The following KSR2 variants were observed in gnomAD, a reference collection of about 807,000 sequenced individuals.
KSR2 encodes kinase suppressor of ras 2.
A neutral mutation model predicts 107.8 loss-of-function variants in KSR2; 25 were observed. The observed-to-expected ratio is 0.23, with a 90% CI of 0.17 to 0.32. KSR2 has a LOEUF of 0.32. Ranked by LOEUF, KSR2 falls within the 10% of genes least tolerant of loss-of-function variation. The pLI is 1.00. For missense variants in KSR2, 887 were observed against 1,268.9 expected (o/e 0.70, Z 4.57); for synonymous variants, 480 against 507.0 (o/e 0.95, Z 0.71).
At chr12:117,748,701 T>A (rs967258520) in intron 4 of KSR2, among the ~76,000 whole-genome samples, 1 of 152,138 alleles carries the variant, frequency 6.6e-6, no homozygotes, top group African/African-American at 2.4e-5. Flanking sequence ...AAAACTTTTG[T>A]GTTAGTGAAA....
rs1297617044 is a variant in KSR2 at position 117,707,048 on chromosome 12, GAAT to G, written c.987-39393_987-39391del. ...TATATTTGTGTGTGTGTGCAAAATGGAATATTATTCAGCCATAGAAAGGAATGC... is the reference window on the plus strand; with the variant it reads ...TATATTTGTGTGTGTGTGCAAAATGGATTATTCAGCCATAGAAAGGAATGC... On this transcript the variant is annotated intron_variant, in intron 4 of 19. Coordinates refer to ENST00000339824, the MANE Select transcript of KSR2 (RefSeq NM_173598.6). 2.0e-5 allele frequency among the ~76,000 whole-genome samples: 3 copies of G among 152,226 alleles called. No individual in the cohort carries two copies. In the East Asian group the frequency reaches 5.8e-4, roughly 29 times the overall value.
chr12:117,580,867 G>A (rs921130250), intron 6 of KSR2, among the ~76,000 whole-genome samples: 3 of 151,858 alleles, frequency 2.0e-5, no homozygotes, highest in Admixed American at 6.6e-5. Context: ...GGGTGTGGCC[G>A]AGCCAAGGGC....
chr12:117,759,887 C>CATGGA (rs556351355), intron 4 of KSR2, among the ~76,000 whole-genome samples: 221 of 152,348 alleles, frequency 1.5e-3, no homozygotes, highest in Non-Finnish European at 2.4e-3. Context: ...GCGGGCAGAT[C>CATGGA]ATTTGAGGTC....
intron 5 of KSR2, among the ~76,000 whole-genome samples, chr12:117,589,127 G>A (rs941365126): frequency 4.6e-5 from 7 of 152,114 alleles, no homozygotes; most frequent in East Asian, 1.9e-4. Flanking sequence ...TCCATACCAT[G>A]TCCCCTTCTG....
chr12:117,505,575 C>T (rs934501377), intron 14 of KSR2, among the ~76,000 whole-genome samples: 3 of 152,168 alleles, frequency 2.0e-5, no homozygotes, highest in Non-Finnish European at 2.9e-5. Context: ...CATCCAATAG[C>T]GTAAAGTATG....
chr12:117,894,067 A>AC (rs1248098630), intron 1 of KSR2, among the ~76,000 whole-genome samples: 3 of 151,788 alleles, frequency 2.0e-5, no homozygotes, highest in Non-Finnish European at 4.4e-5. Context: ...CTGCCACTAC[A>AC]CCCGGCTAAT....
At chr12:117,526,720 G>A (rs1410846059) in intron 13 of KSR2, among the ~76,000 whole-genome samples, 1 of 152,156 alleles carries the variant, frequency 6.6e-6, no homozygotes, top group Non-Finnish European at 1.5e-5. Flanking sequence ...TCTAAGCCCA[G>A]CATCCCTGAG....
intron 5 of KSR2, among the ~76,000 whole-genome samples, chr12:117,602,045 C>A (rs1345580888): frequency 2.6e-5 from 4 of 152,238 alleles, no homozygotes; most frequent in African/African-American, 7.2e-5. Context: ...ATGAGCATGG[C>A]TGTTTTCCAA....
At chr12:117,564,763 T>C (rs1878357048) in intron 7 of KSR2, among the ~76,000 whole-genome samples, 1 of 152,040 alleles carries the variant, frequency 6.6e-6, no homozygotes, top group Non-Finnish European at 1.5e-5. Flanking sequence ...GGTGGGTAAG[T>C]ATCAGAGAGA....
chr12:117,604,108 A>G (rs1244869221), intron 5 of KSR2, among the ~76,000 whole-genome samples: 1 of 152,172 alleles, frequency 6.6e-6, no homozygotes, highest in Non-Finnish European at 1.5e-5. Context: ...TTTTTTTGAC[A>G]TGGGACCCTT....
Position 117,968,573 on chromosome 12 carries a change from C to A in KSR2, c.-318G>T. 1.2e-6 allele frequency: 1 copy of A among 828,824 alleles called. No individual in the cohort carries two copies. 51.3% of individuals were successfully genotyped at this position (828,824 alleles called of 1,614,324 possible). A position where few individuals can be genotyped will look rare whatever the true frequency, so the allele number is the denominator to read the frequency against. On this transcript the variant is annotated 5_prime_UTR_variant, in exon 1 of 20. Transcript: ENST00000339824. ...ACCAGGTGATGTGATGCTGTCTGTA[C>A]ACTTAGGGAGGAGGAGGAGGAGGAA... is the stretch of plus-strand genomic sequence containing the variant.
chr12:117,913,556 C>G (rs953490870), intron 1 of KSR2, among the ~76,000 whole-genome samples: 1 of 152,050 alleles, frequency 6.6e-6, no homozygotes, highest in Admixed American at 6.5e-5. Context: ...ATGAAGGCAT[C>G]CTTGTAAGAG....
chr12:117,759,374 G>C (rs537341377), intron 4 of KSR2, among the ~76,000 whole-genome samples: 2 of 152,322 alleles, frequency 1.3e-5, no homozygotes, highest in South Asian at 4.1e-4. Flanking sequence ...CTGCAACAGA[G>C]ACTGAATGGT....
At chr12:117,731,995 A>C (rs900695806) in intron 4 of KSR2, among the ~76,000 whole-genome samples, 10 of 149,556 alleles carry the variant, frequency 6.7e-5, no homozygotes, top group African/African-American at 1.2e-4. Context: ...GACCCTGCCA[A>C]ATCCCCCTCT....
intron 4 of KSR2, among the ~76,000 whole-genome samples, chr12:117,688,191 C>A (rs1885656888): frequency 6.6e-6 from 1 of 152,144 alleles, no homozygotes; most frequent in Admixed American, 6.6e-5. Flanking sequence ...ACCAGCCTGG[C>A]CAACATGGTA....
Position 117,484,373 on chromosome 12 carries a change from T to C in KSR2, c.2450+43A>G, listed in dbSNP as rs773128348. 3.9e-5 allele frequency: 62 copies of C among 1,607,558 alleles called. No homozygotes were observed. The South Asian group carries it at 4.3e-4, about 11-fold the overall frequency. ...GGACTAACTTCCCACCTCCTGACCATCATCTGTCAGGAAACTCTCCGGGTC... is the reference window on the plus strand; with the variant it reads ...GGACTAACTTCCCACCTCCTGACCACCATCTGTCAGGAAACTCTCCGGGTC... On this transcript the variant is annotated intron_variant, in intron 16 of 19. Transcript: ENST00000339824.
intron 10 of KSR2, among the ~76,000 whole-genome samples, chr12:117,537,675 G>A (rs1373953340): frequency 2.0e-5 from 3 of 152,222 alleles, no homozygotes; most frequent in Non-Finnish European, 4.4e-5. Context: ...TAACTGCCAT[G>A]CTGAAGTGCT....
chr12:117,906,353 CAAAA>C (rs57733205), intron 1 of KSR2, among the ~76,000 whole-genome samples: 5 of 58,208 alleles, frequency 8.6e-5, no homozygotes, highest in Non-Finnish European at 1.3e-4. Context: ...AACTCTGTCT[CAAAA>C]AAAAAAAAAA....
intron 3 of KSR2, among the ~76,000 whole-genome samples, chr12:117,785,414 CAAAAAAAAAAAAAAAAA>C (rs374881532): frequency 1.6e-4 from 6 of 37,408 alleles, no homozygotes; most frequent in South Asian, 2.4e-3. Context: ...GACTCCATCT[CAAAAAAAAAAAAAAAAA>C]AAAAAAAAAA....
Sources: allele counts gnomAD v4.1 joint callset (sites outside exome capture counted in the v4.1 genomes callset), GRCh38; gene constraint gnomAD v4.1.1; transcripts MANE v1.5; gene names NCBI Gene and HGNC (gene_info 2026-07-23, HGNC 2026-07-21).